The following SYNE1 variants were observed in gnomAD, a reference collection of about 807,000 sequenced individuals.
The protein encoded by SYNE1 is spectrin repeat containing nuclear envelope protein 1.
SYNE1 carries 616 observed loss-of-function variants against 1,111.0 expected under a neutral mutation model. The ratio of observed to expected loss-of-function variants is 0.55; its 90% CI spans 0.52 to 0.59. SYNE1 has a LOEUF of 0.59. SYNE1 is among the 20% of genes least tolerant of loss of function. The pLI, the probability that SYNE1 is intolerant of heterozygous loss-of-function variation, is 0.00. For synonymous variants in SYNE1, 3,855 were observed against 3,825.8 expected (o/e 1.01, Z -0.28); for missense variants, 10,006 against 10,417.0 (o/e 0.96, Z 1.72).
At chr6:152,348,419 T>G (rs1375550670) in intron 72 of SYNE1, among the ~76,000 whole-genome samples, 1 of 152,200 alleles carries the variant, frequency 6.6e-6, no homozygotes, top group Non-Finnish European at 1.5e-5. Flanking sequence ...ACGCGGTGGC[T>G]CACGCCTGTA....
chr6:152,178,440 C>T (rs2067031364), intron 129 of SYNE1, among the ~76,000 whole-genome samples: 1 of 152,080 alleles, frequency 6.6e-6, no homozygotes, highest in Non-Finnish European at 1.5e-5. Flanking sequence ...TTTACAATAT[C>T]AAGTAAACAA....
chr6:152,511,180 T>C, intron 6 of SYNE1, 77 bp from the exon 7 acceptor site: 2 of 1,261,822 alleles, frequency 1.6e-6, no homozygotes, highest in South Asian at 1.2e-5. Flanking sequence ...AATTAGGCCT[T>C]TAGTAGACAT....
At chr6:152,343,367 C>T (rs571142813) in intron 74 of SYNE1, among the ~76,000 whole-genome samples, 1 of 151,318 alleles carries the variant, frequency 6.6e-6, no homozygotes, top group Admixed American at 6.6e-5. Context: ...CCATGTTGGC[C>T]AGGATGGTCT....
At chr6:152,385,298 A>G (rs2097507591) in intron 55 of SYNE1, among the ~76,000 whole-genome samples, 1 of 152,222 alleles carries the variant, frequency 6.6e-6, no homozygotes, top group Non-Finnish European at 1.5e-5. Flanking sequence ...GCAGAACAAA[A>G]CATCCAGAAT....
Position 152,399,746 on chromosome 6 carries a change from C to A in SYNE1, c.7107G>T (p.Lys2369Asn), listed in dbSNP as rs1281369990. The change falls in exon 48 of 146, where the codon AAG (lysine) becomes AAT (asparagine). Residue 2369 changes from lysine (K) to asparagine (N), a missense_variant. Physicochemically the swap from Lys to Asn is moderately conservative, Grantham distance 94. This residue lies in a region of SYNE1 where 4,955 missense variants were observed against 5,017.2 expected (regional missense o/e 0.99). Transcript: ENST00000367255. ...GGCTCTCCAACTCAGCTGAGTGGTA[C>A]TTGCGGCACAAGCTATTGAGATTTT... ...TQENLNSLCRKYHSAELESLG... is the reference protein window; with the variant it reads ...TQENLNSLCRNYHSAELESLG... 6.2e-7 allele frequency: 1 copy of A among 1,614,154 alleles called. No homozygotes were observed. The highest frequency in any genetic ancestry group is 1.7e-5 in the Admixed American group (1 of 60,012).
rs1451811554 is a variant in SYNE1 at position 152,354,864 on chromosome 6, G to A, written c.10721C>T (p.Ser3574Phe). ...GTAAGCCTGCCAGTCTTGCCGGAGA[G>A]ACTCTAAAGCCCGGTCCTCTGCCTG... ...IPQAEDRALE[S>F]LRQDWQAYQH... Residue 3574 changes from serine to phenylalanine, a missense_variant, in exon 67 of 146, where the codon TCT becomes TTT. Physicochemically the swap from Ser to Phe is radical, Grantham distance 155. Coordinates refer to ENST00000367255, the MANE Select transcript of SYNE1 (RefSeq NM_182961.4). The A allele has an allele frequency of 6.2e-7, 1 of 1,614,172 alleles. No homozygotes were observed. Among genetic ancestry groups the A allele is most frequent in the Non-Finnish European group, 8.5e-7 (1 of 1,180,048 alleles).
At position 152,501,816 on chromosome 6, in the gene SYNE1, A is replaced by C. The variant is rs182800497; in HGVS notation, c.888+817T>G. ...ATAAAAGCATTGCTTATAACAACAA[A>C]AATTATAAATTAAAACAAGATTGAG... On this transcript the variant is annotated intron_variant, in intron 10 of 145. Coordinates refer to ENST00000367255, the MANE Select transcript of SYNE1 (RefSeq NM_182961.4). Among the ~76,000 whole-genome samples, 17 of 152,316 alleles carry C rather than the reference A, an allele frequency of 1.1e-4. No homozygotes were observed. The East Asian group carries it at 3.3e-3, about 29-fold the overall frequency.
In SYNE1 at chr6:152,331,011, C is replaced by G. The variant is rs772734644; in HGVS notation, c.13674G>C (p.Glu4558Asp). The change falls in exon 78 of 146, where the codon GAG (glutamate) becomes GAC (aspartate). Residue 4558 changes from glutamate to aspartate, a missense_variant. Glu to Asp is a conservative substitution (Grantham distance 45). Coordinates refer to ENST00000367255, the MANE Select transcript of SYNE1 (RefSeq NM_182961.4). Reference protein sequence around the residue: ...QKCSHRLQELEKNLVSRKHFK... With the variant: ...QKCSHRLQELDKNLVSRKHFK... The stretch of plus-strand genomic sequence containing the variant: ...AATGCTTCCTAGAAACCAAATTCTT[C>G]TCTAGTTCTTGTAACCGGTGACTGC... 3 of 1,614,162 alleles carry G rather than the reference C, an allele frequency of 1.9e-6. No individual in the cohort carries two copies. Among genetic ancestry groups the G allele is most frequent in the Non-Finnish European group, 2.5e-6 (3 of 1,180,030 alleles).
chr6:152,280,077 G>C (rs754385521), intron 97 of SYNE1, among the ~76,000 whole-genome samples: 1 of 152,106 alleles, frequency 6.6e-6, no homozygotes, highest in Non-Finnish European at 1.5e-5. Flanking sequence ...CTTCCATGGG[G>C]GAAACAGCCT....
chr6:152,218,863 C>A, intron 120 of SYNE1, 140 bp downstream of exon 120: 2 of 922,390 alleles, frequency 2.2e-6, no homozygotes, highest in Non-Finnish European at 3.4e-6. Flanking sequence ...CCCACCAGAA[C>A]TTCCAAGTTT....
At chr6:152,230,059 G>T (rs975630692) in intron 115 of SYNE1, among the ~76,000 whole-genome samples, 2 of 151,802 alleles carry the variant, frequency 1.3e-5, no homozygotes, top group East Asian at 1.9e-4. Flanking sequence ...TGGAAACAGG[G>T]TCTCACTCTG....
chr6:152,153,223 C>T (rs1459920788), intron 133 of SYNE1, among the ~76,000 whole-genome samples: 1 of 152,076 alleles, frequency 6.6e-6, no homozygotes, highest in Non-Finnish European at 1.5e-5. Context: ...GTCTAAAAAC[C>T]TTAAGTTATT....
At chr6:152,128,695 C>T (rs78087244) in intron 145 of SYNE1, 3,596 of 152,320 alleles carry the variant, frequency 0.024, 73 homozygotes, top group South Asian at 0.061. Context: ...CTGCTGGAAA[C>T]AACATTCTAA....
At chr6:152,336,627 T>C (rs889920849) in intron 76 of SYNE1, 1 of 628,952 alleles carries the variant, frequency 1.6e-6, no homozygotes, top group African/African-American at 1.8e-5. Context: ...CATTAATGCT[T>C]GCTCGCCTCC....
chr6:152,497,908 C>T (rs1325977787), intron 11 of SYNE1, among the ~76,000 whole-genome samples: 1 of 152,154 alleles, frequency 6.6e-6, no homozygotes, highest in African/African-American at 2.4e-5. Context: ...ATTCTCTCTA[C>T]TTTTTCTTTC....
intron 98 of SYNE1, among the ~76,000 whole-genome samples, chr6:152,277,292 T>G (rs1332177414): frequency 7.3e-6 from 1 of 137,890 alleles, no homozygotes; most frequent in Non-Finnish European, 1.6e-5. Context: ...TTTTTTTTTG[T>G]TATGAGACAG....
chr6:152,309,895 C>G lies in SYNE1; in HGVS notation c.17142G>C (p.Arg5714=). Residue 5714 remains arginine (R), a synonymous_variant, in exon 90 of 146, where the codon CGG becomes CGC. Transcript: ENST00000367255. Reference sequence around the variant, plus strand: ...GCAGCCGGCTGGCCTCTTCCTGCAGCCGCAGAGCAGCATGACAGAGAGGTA... The same window carrying G: ...GCAGCCGGCTGGCCTCTTCCTGCAGGCGCAGAGCAGCATGACAGAGAGGTA... ...ASLPLCHAAL[R]LQEEASRLQH... is the part of the protein sequence containing the mutation. 6.2e-7 allele frequency: 1 copy of G among 1,614,136 alleles called. No individual in the cohort carries two copies. Among genetic ancestry groups the G allele is most frequent in the Non-Finnish European group, 8.5e-7 (1 of 1,180,044 alleles).
rs763325410 is a variant in SYNE1 at position 152,230,594 on chromosome 6, G to A, written c.21148C>T (p.Arg7050Ter). 1.9e-6 allele frequency: 3 copies of A among 1,613,904 alleles called. No individual in the cohort carries two copies. Among genetic ancestry groups the A allele is most frequent in the South Asian group, 1.1e-5 (1 of 91,074 alleles). ...TGAACAGAAGCCTGATCTCCAATTC[G>A]ATGCTGTTGTTTTAGTCTCTTTTCC... ...TQEKRLKQQH[R>*]IGDQASVQNA... The change falls in exon 115 of 146, where the codon CGA becomes TGA. Residue 7050 changes from arginine to a stop codon, truncating the protein, a stop_gained. Coordinates refer to ENST00000367255, the MANE Select transcript of SYNE1 (RefSeq NM_182961.4). LOFTEE classifies it high-confidence loss of function.
Position 152,461,774 on chromosome 6 carries a change from A to G in SYNE1, c.2251-34T>C, listed in dbSNP as rs202193810. 245 of 1,613,602 alleles carry G rather than the reference A, an allele frequency of 1.5e-4. 1 individual carries two copies. The highest frequency in any genetic ancestry group is 1.3e-4 in the Non-Finnish European group (159 of 1,179,840). ...ATCATTGAAACAGCCAGATTCATAC[A>G]TGACACATTTCCTCTTAACTTCCGG... On this transcript the variant is annotated intron_variant, in intron 20 of 145. Transcript: ENST00000367255.
Sources: allele counts gnomAD v4.1 joint callset (sites outside exome capture counted in the v4.1 genomes callset), GRCh38; gene constraint gnomAD v4.1.1; regional missense constraint gnomAD v4.1.1; transcripts MANE v1.5; gene names NCBI Gene and HGNC (gene_info 2026-07-23, HGNC 2026-07-21).